The following ZNF134 variants were observed in gnomAD, a reference collection of about 807,000 sequenced individuals.
ZNF134 encodes the protein zinc finger protein 134, also known as zinc finger protein 134 (clone pHZ-15).
ZNF134 carries 5 observed loss-of-function variants against 2.5 expected under a neutral mutation model. The observed-to-expected ratio is 2.03, with a 90% CI of 1.06 to 4.27. The LOEUF (loss-of-function observed/expected upper bound fraction) is 4.27, where lower values mean the gene tolerates loss of function less well. Among genes scored for constraint, ZNF134 ranks in the 30% most tolerant of loss-of-function variants. The probability of loss-of-function intolerance (pLI) is 0.00; values close to 1 mark genes in which losing one functional copy is unlikely to be tolerated. For missense variants in ZNF134, 540 were observed against 517.5 expected (o/e 1.04, Z -0.42); for synonymous variants, 176 against 176.2 (o/e 1.00, Z 0.01).
rs1191924417 is a variant in ZNF134 at position 57,621,222 on chromosome 19, G to T, written c.1103G>T (p.Gly368Val). The change falls in exon 3 of 3, where the codon GGT becomes GTT. Residue 368 changes from glycine to valine, a missense_variant. Physicochemically the swap from Gly to Val is moderately radical, Grantham distance 109 (BLOSUM62 -3). Transcript: ENST00000396161. Reference protein sequence around the residue: ...DYIAHQRVHTGERPFVCSKCG... With the variant: ...DYIAHQRVHTVERPFVCSKCG... ...ATTGCACACCAGAGGGTTCACACTG[G>T]TGAAAGGCCTTTTGTGTGCAGTAAA... 4 of 1,614,040 alleles carry T rather than the reference G, an allele frequency of 2.5e-6. No individual in the cohort carries two copies. Among genetic ancestry groups the T allele is most frequent in the African/African-American group, 2.7e-5 (2 of 74,900 alleles).
chr19:57,614,336 G>C lies in ZNF134; in HGVS notation c.-225G>C. The C allele has an allele frequency of 2.2e-6, 1 of 454,588 alleles. No homozygotes were observed. The highest frequency in any genetic ancestry group is 4.4e-6 in the Non-Finnish European group (1 of 226,244). 28.2% of individuals were successfully genotyped at this position (454,588 alleles called of 1,614,324 possible). A position where few individuals can be genotyped will look rare whatever the true frequency, so the allele number is the denominator to read the frequency against. On this transcript the variant is annotated 5_prime_UTR_variant, in exon 1 of 3. Transcript: ENST00000396161. ...GAGGTGACGGAAGCGGGAGGGTGCG[G>C]GAGAAGTCGCTGTTCGCTCTGCGGA...
At chr19:57,614,653 G>A in intron 1 of ZNF134, 150 bp downstream of exon 1, 7 of 319,690 alleles carry the variant, frequency 2.2e-5, no homozygotes, top group South Asian at 1.6e-4. Context: ...CAGAGGGGCA[G>A]CCTGAGCATA....
intron 1 of ZNF134, among the ~76,000 whole-genome samples, chr19:57,618,334 G>T (rs1568629755): frequency 6.6e-6 from 1 of 152,184 alleles, no homozygotes; most frequent in South Asian, 2.1e-4. Flanking sequence ...TGGATGCTGT[G>T]TGCAGATTTG....
rs903161980 is a variant in ZNF134 at position 57,622,671 on chromosome 19, A to G, written c.*1268A>G. 3 of 152,156 alleles carry G rather than the reference A, an allele frequency of 2.0e-5. No homozygotes were observed. Among genetic ancestry groups the G allele is most frequent in the African/African-American group, 7.2e-5 (3 of 41,422 alleles). 9.4% of individuals were successfully genotyped at this position (152,156 alleles called of 1,614,324 possible). ...GGAGTAAAGAGGTGTGGTCCAAGGA[A>G]GTAGCTTTTGTGACCAGCTGGAGTT... On this transcript the variant is annotated 3_prime_UTR_variant, in exon 3 of 3. Coordinates refer to ENST00000396161, the MANE Select transcript of ZNF134 (RefSeq NM_003435.5).
intron 1 of ZNF134, among the ~76,000 whole-genome samples, chr19:57,615,564 G>C (rs527607329): frequency 5.4e-4 from 82 of 152,242 alleles, no homozygotes; most frequent in African/African-American, 2.0e-3. Context: ...CAAGTGTGCT[G>C]CCTGTGTTAA....
intron 1 of ZNF134, chr19:57,618,999 T>C: frequency 5.1e-6 from 1 of 196,894 alleles, no homozygotes; most frequent in Non-Finnish European, 1.0e-5. Context: ...TTCCCTCACA[T>C]AGGTCCCCTG....
Position 57,620,429 on chromosome 19 carries a change from C to T in ZNF134, c.310C>T (p.Gln104Ter), listed in dbSNP as rs1022099066. The change falls in exon 3 of 3, where the codon CAA (glutamine) becomes TAA (stop). Residue 104 changes from glutamine to a stop codon, truncating the protein, a stop_gained. Transcript: ENST00000396161. LOFTEE classifies it low-confidence loss of function (END_TRUNC). ...HQYQKCYSIE[Q>*]PLRRDKSEAS... The stretch of plus-strand genomic sequence containing the variant: ...GTACCAGAAGTGTTACAGTATAGAG[C>T]AACCCTTAAGAAGGGATAAAAGTGA... 11 of 1,614,178 alleles carry T rather than the reference C, an allele frequency of 6.8e-6. No homozygotes were observed. Among genetic ancestry groups the T allele is most frequent in the Non-Finnish European group, 9.3e-6 (11 of 1,180,032 alleles).
chr19:57,614,353 C>G lies in ZNF134; in HGVS notation c.-208C>G. ...AGGGTGCGGGAGAAGTCGCTGTTCG[C>G]TCTGCGGAGTGGCTCGCCAGCGAAG... On this transcript the variant is annotated 5_prime_UTR_variant, in exon 1 of 3. Coordinates refer to ENST00000396161, the MANE Select transcript of ZNF134 (RefSeq NM_003435.5). 4.4e-6 allele frequency: 2 copies of G among 454,738 alleles called. No individual in the cohort carries two copies. The highest frequency in any genetic ancestry group is 4.4e-6 in the Non-Finnish European group (1 of 226,276). 28.2% of individuals were successfully genotyped at this position (454,738 alleles called of 1,614,324 possible). A position where few individuals can be genotyped will look rare whatever the true frequency, so the allele number is the denominator to read the frequency against.
At chr19:57,615,720 T>G (rs1357578135) in intron 1 of ZNF134, among the ~76,000 whole-genome samples, 1 of 152,166 alleles carries the variant, frequency 6.6e-6, no homozygotes, top group Non-Finnish European at 1.5e-5. Flanking sequence ...TTGTGAGTAT[T>G]TTCCAAATAA....
Position 57,620,936 on chromosome 19 carries a change from T to A in ZNF134, c.817T>A (p.Ser273Thr). 2 of 1,614,234 alleles carry A rather than the reference T, an allele frequency of 1.2e-6. No individual in the cohort carries two copies. The highest frequency in any genetic ancestry group is 2.2e-5 in the East Asian group (1 of 44,876). Residue 273 changes from serine (S) to threonine (T), a missense_variant, in exon 3 of 3, where the codon TCC becomes ACC. Coordinates refer to ENST00000396161, the MANE Select transcript of ZNF134 (RefSeq NM_003435.5). Reference sequence around the variant, plus strand: ...ATGTGGGAAATATTTTAGCCATCACTCCAATCTAATTGTACACCAGAGAGT... The same window carrying A: ...ATGTGGGAAATATTTTAGCCATCACACCAATCTAATTGTACACCAGAGAGT... ...NECGKYFSHH[S>T]NLIVHQRVHN...
In ZNF134 at chr19:57,621,634, G is replaced by A. The variant is rs1981225168; in HGVS notation, c.*231G>A. 2.0e-5 allele frequency: 15 copies of A among 736,228 alleles called. No homozygotes were observed. The highest frequency in any genetic ancestry group is 1.8e-4 in the South Asian group (13 of 70,726). 45.6% of individuals were successfully genotyped at this position (736,228 alleles called of 1,614,324 possible). A position where few individuals can be genotyped will look rare whatever the true frequency, so the allele number is the denominator to read the frequency against. Reference sequence around the variant, plus strand: ...ATACCCCAGCATTGGGGAAGGCAGGGTTTTGTATTGTCCAGTCCCTGGAGA... The same window carrying A: ...ATACCCCAGCATTGGGGAAGGCAGGATTTTGTATTGTCCAGTCCCTGGAGA... On this transcript the variant is annotated 3_prime_UTR_variant, in exon 3 of 3. Coordinates refer to ENST00000396161, the MANE Select transcript of ZNF134 (RefSeq NM_003435.5).
chr19:57,620,628 A>T lies in ZNF134; in HGVS notation c.509A>T (p.His170Leu), dbSNP rs770080848. ...AGCACTGAGAGTGGGGATGCATTTC[A>T]TGGTGAACAAATGCATTACAAGTGC... is the stretch of plus-strand genomic sequence containing the variant. ...HRSTESGDAF[H>L]GEQMHYKCSE... Residue 170 changes from histidine (H) to leucine (L), a missense_variant, in exon 3 of 3, where the codon CAT (histidine) becomes CTT (leucine). Transcript: ENST00000396161. 1 of 1,614,124 alleles carries T rather than the reference A, an allele frequency of 6.2e-7. No homozygotes were observed. The highest frequency in any genetic ancestry group is 1.3e-5 in the African/African-American group (1 of 74,944).
rs1277658842 is a variant in ZNF134, at chr19:57,621,168, G to A, written c.1049G>A (p.Gly350Glu). ...AAGCCGTTTGAGTGCATTGAATGCGGGAAATTCTTTAGTCGAAGTTCTGAC... is the reference window on the plus strand; with the variant it reads ...AAGCCGTTTGAGTGCATTGAATGCGAGAAATTCTTTAGTCGAAGTTCTGAC... ...ESKPFECIEC[G>E]KFFSRSSDYI... Residue 350 changes from glycine to glutamate, a missense_variant, in exon 3 of 3, where the codon GGG becomes GAG. Transcript: ENST00000396161. 2 of 1,614,220 alleles carry A rather than the reference G, an allele frequency of 1.2e-6. No individual in the cohort carries two copies. Among genetic ancestry groups the A allele is most frequent in the Non-Finnish European group, 1.7e-6 (2 of 1,180,032 alleles).
At chr19:57,620,008 T>C (rs1031719357) in intron 2 of ZNF134, 152 bp from the exon 3 acceptor site, 2 of 829,370 alleles carry the variant, frequency 2.4e-6, no homozygotes, top group African/African-American at 3.5e-5. Flanking sequence ...ATTCCAGTAC[T>C]GTACAGCAGC....
chr19:57,619,375 C>T, intron 1 of ZNF134, 37 bp from the exon 2 acceptor site: 1 of 1,496,574 alleles, frequency 6.7e-7, no homozygotes, highest in African/African-American at 1.4e-5. Flanking sequence ...GTGCTCTCAG[C>T]CTGTTTCACC....
At chr19:57,619,895 C>T (rs1202090564) in intron 2 of ZNF134, among the ~76,000 whole-genome samples, 2 of 152,224 alleles carry the variant, frequency 1.3e-5, no homozygotes, top group Non-Finnish European at 2.9e-5. Context: ...CAGCCAAGGT[C>T]CTGCTAAAAG....
In ZNF134 at chr19:57,624,448, A is replaced by C; in HGVS notation, c.*3045A>C. 6.6e-6 allele frequency: 1 copy of C among 152,330 alleles called. No homozygotes were observed. Among genetic ancestry groups the C allele is most frequent in the Non-Finnish European group, 1.5e-5 (1 of 68,050 alleles). 9.4% of individuals were successfully genotyped at this position (152,330 alleles called of 1,614,324 possible). ...GGCAAAGAAACCGTGGGATAACAGAAAACCCAAAACAAAAGAGAAAACTGC... is the reference window on the plus strand; with the variant it reads ...GGCAAAGAAACCGTGGGATAACAGACAACCCAAAACAAAAGAGAAAACTGC... On this transcript the variant is annotated 3_prime_UTR_variant, in exon 3 of 3. Coordinates refer to ENST00000396161, the MANE Select transcript of ZNF134 (RefSeq NM_003435.5).
intron 1 of ZNF134, among the ~76,000 whole-genome samples, chr19:57,616,092 G>A (rs781771838): frequency 6.6e-6 from 1 of 152,192 alleles, no homozygotes; most frequent in African/African-American, 2.4e-5. Context: ...CTTCATGGGC[G>A]CTGCCTGTGG....
Position 57,620,437 on chromosome 19 carries a change from A to C in ZNF134, c.318A>C (p.Leu106Phe). 6.2e-7 allele frequency: 1 copy of C among 1,614,168 alleles called. No homozygotes were observed. Among genetic ancestry groups the C allele is most frequent in the Non-Finnish European group, 8.5e-7 (1 of 1,180,006 alleles). The change falls in exon 3 of 3, where the codon TTA becomes TTC. Residue 106 changes from leucine (L) to phenylalanine (F), a missense_variant. Physicochemically the swap from Leu to Phe is conservative, Grantham distance 22. Transcript: ENST00000396161. ...AGTGTTACAGTATAGAGCAACCCTT[A>C]AGAAGGGATAAAAGTGAGGCCTCAA... is the stretch of plus-strand genomic sequence containing the variant. ...YQKCYSIEQP[L>F]RRDKSEASIV...
Sources: allele counts gnomAD v4.1 joint callset (sites outside exome capture counted in the v4.1 genomes callset), GRCh38; gene constraint gnomAD v4.1.1; transcripts MANE v1.5; gene names NCBI Gene and HGNC (gene_info 2026-07-23, HGNC 2026-07-21).